FARS2: variants seen among roughly 807,000 people sequenced by gnomAD.
The protein encoded by FARS2 is phenylalanine--tRNA ligase, mitochondrial.
In FARS2, 40 loss-of-function variants were observed where a neutral mutation model predicts 46.4. The observed-to-expected ratio is 0.86, with a 90% confidence interval of 0.67 to 1.12. The LOEUF (loss-of-function observed/expected upper bound fraction) is 1.12, where lower values mean the gene tolerates loss of function less well. Ranked by LOEUF, FARS2 falls within the 50% of genes most tolerant of loss-of-function variation. The pLI, the probability that FARS2 is intolerant of heterozygous loss-of-function variation, is 0.00. For synonymous variants in FARS2, 234 were observed against 214.9 expected (o/e 1.09, Z -0.78); for missense variants, 513 against 567.9 (o/e 0.90, Z 0.98).
chr6:5,482,126 A>T (rs577110423), intron 4 of FARS2, among the ~76,000 whole-genome samples: 19 of 140,120 alleles, frequency 1.4e-4, no homozygotes, highest in Non-Finnish European at 2.3e-4. Flanking sequence ...TAGGATTGCC[A>T]GCTTACATCT....
chr6:5,632,000 C>A (rs1017526496), intron 6 of FARS2, among the ~76,000 whole-genome samples: 6 of 152,032 alleles, frequency 3.9e-5, no homozygotes, highest in Admixed American at 2.6e-4. Context: ...TGATTTAGTT[C>A]TTTTTCATCG....
chr6:5,621,183 C>T (rs892629930), intron 6 of FARS2, among the ~76,000 whole-genome samples: 3 of 151,720 alleles, frequency 2.0e-5, no homozygotes, highest in Non-Finnish European at 2.9e-5. Context: ...AACTCCTAGG[C>T]TCAAGTGGTC....
intron 1 of FARS2, among the ~76,000 whole-genome samples, chr6:5,307,107 T>C (rs966981355): frequency 1.3e-5 from 2 of 152,190 alleles, no homozygotes; most frequent in African/African-American, 4.8e-5. Context: ...ATTACATATG[T>C]TTTTCTTTGT....
chr6:5,602,841 A>G (rs7768677), intron 5 of FARS2, among the ~76,000 whole-genome samples: 2 of 152,076 alleles, frequency 1.3e-5, no homozygotes, highest in African/African-American at 4.8e-5. Context: ...TATAATTTAT[A>G]ACCGGGTCAT....
At chr6:5,448,284 G>A (rs116350604) in intron 4 of FARS2, among the ~76,000 whole-genome samples, 2 of 152,284 alleles carry the variant, frequency 1.3e-5, no homozygotes, top group African/African-American at 4.8e-5. Flanking sequence ...GCCTCTTCAT[G>A]TATTGTATAC....
intron 1 of FARS2, among the ~76,000 whole-genome samples, chr6:5,333,824 C>T (rs1770965760): frequency 6.6e-6 from 1 of 152,158 alleles, no homozygotes; most frequent in African/African-American, 2.4e-5. Context: ...CCGTTGTGCA[C>T]TTTGTACATC....
intron 4 of FARS2, among the ~76,000 whole-genome samples, chr6:5,498,903 CT>C (rs572914032): frequency 2.0e-5 from 3 of 151,378 alleles, no homozygotes; most frequent in African/African-American, 4.9e-5. Flanking sequence ...CCAGTAGTGC[CT>C]TTTTTTTTCT....
intron 4 of FARS2, among the ~76,000 whole-genome samples, chr6:5,465,872 A>T (rs1330471542): frequency 1.3e-5 from 2 of 152,086 alleles, no homozygotes; most frequent in African/African-American, 2.4e-5. Context: ...TTTTTTGAAA[A>T]AAAGAATTTT....
At chr6:5,309,483 A>G (rs1325903647) in intron 1 of FARS2, among the ~76,000 whole-genome samples, 1 of 152,218 alleles carries the variant, frequency 6.6e-6, no homozygotes, top group African/African-American at 2.4e-5. Flanking sequence ...AATTTCCCTG[A>G]TGACATGGTG....
chr6:5,332,854 C>T (rs549490560), intron 1 of FARS2, among the ~76,000 whole-genome samples: 4 of 152,202 alleles, frequency 2.6e-5, no homozygotes, highest in Admixed American at 1.3e-4. Context: ...AAGGATGAAC[C>T]GCATTAAAAG....
rs941757706 is a variant in FARS2, at chr6:5,364,921, A to G, written c.-21-3629A>G. ...GTGGCTTGCACCTGTAGTCCTAGCTATCTCTGGGGCAGGGAGCCACTGGAG... is the reference window on the plus strand; with the variant it reads ...GTGGCTTGCACCTGTAGTCCTAGCTGTCTCTGGGGCAGGGAGCCACTGGAG... On this transcript the variant is annotated intron_variant, in intron 1 of 6. Transcript: ENST00000274680. Among the ~76,000 whole-genome samples, 3 of 152,038 alleles carry G rather than the reference A, an allele frequency of 2.0e-5. 1 individual carries two copies. Among genetic ancestry groups the G allele is most frequent in the South Asian group, 4.1e-4 (2 of 4,822 alleles).
chr6:5,638,171 T>C (rs904975918), intron 6 of FARS2, among the ~76,000 whole-genome samples: 1 of 152,190 alleles, frequency 6.6e-6, no homozygotes, highest in Non-Finnish European at 1.5e-5. Flanking sequence ...ACAGTACTTT[T>C]AAACAATGAT....
At chr6:5,631,369 A>G (rs568482743) in intron 6 of FARS2, among the ~76,000 whole-genome samples, 1 of 152,382 alleles carries the variant, frequency 6.6e-6, no homozygotes, top group Admixed American at 6.5e-5. Context: ...TCTCAAGACA[A>G]CTAGTCTGAA....
intron 6 of FARS2, among the ~76,000 whole-genome samples, chr6:5,721,925 G>A (rs367943501): frequency 2.6e-5 from 4 of 152,230 alleles, no homozygotes; most frequent in South Asian, 2.1e-4. Context: ...GTGCTTCAGC[G>A]TGTACCACGG....
intron 6 of FARS2, among the ~76,000 whole-genome samples, chr6:5,627,625 G>A (rs1176546924): frequency 1.3e-5 from 2 of 152,154 alleles, no homozygotes; most frequent in Admixed American, 6.5e-5. Flanking sequence ...GTGTTTATAC[G>A]TCTTTTCATC....
intron 4 of FARS2, among the ~76,000 whole-genome samples, chr6:5,474,929 A>G (rs1246103972): frequency 1.3e-5 from 2 of 152,148 alleles, no homozygotes; most frequent in African/African-American, 4.8e-5. Flanking sequence ...AAGTACTGGG[A>G]TTACAGGCAT....
intron 6 of FARS2, among the ~76,000 whole-genome samples, chr6:5,736,394 G>A (rs1271869904): frequency 2.0e-5 from 3 of 152,124 alleles, no homozygotes; most frequent in Non-Finnish European, 4.4e-5. Context: ...CAGGAGGTGG[G>A]GATCTCTAGG....
chr6:5,633,573 C>T (rs1776402776), intron 6 of FARS2, among the ~76,000 whole-genome samples: 1 of 152,000 alleles, frequency 6.6e-6, no homozygotes, highest in African/African-American at 2.4e-5. Context: ...CGGCACCTGG[C>T]TTACCAGAGA....
intron 2 of FARS2, among the ~76,000 whole-genome samples, chr6:5,382,518 A>G (rs1275865181): frequency 6.6e-6 from 1 of 152,208 alleles, no homozygotes; most frequent in East Asian, 1.9e-4. Flanking sequence ...TGATTCTATC[A>G]TGTCAATTTA....
Sources: gnomAD v4.1 joint callset for allele counts (sites outside exome capture counted in the v4.1 genomes callset) on GRCh38, gnomAD v4.1.1 for gene constraint, MANE v1.5 for transcripts, NCBI Gene and HGNC (gene_info 2026-07-23, HGNC 2026-07-21) for gene names.